The following RAD52 variants were observed in gnomAD, a reference collection of about 807,000 sequenced individuals.
The protein encoded by RAD52 is RAD52 DNA repair protein, also known as DNA repair protein RAD52 homolog.
RAD52 carries 47 observed loss-of-function variants against 55.5 expected under a neutral mutation model. The observed-to-expected ratio is 0.85, with a 90% CI of 0.67 to 1.08. The LOEUF is 1.08. RAD52 is among the 50% of genes least tolerant of loss of function. The pLI, the probability that RAD52 is intolerant of heterozygous loss-of-function variation, is 0.00. For synonymous variants in RAD52, 184 were observed against 198.9 expected, an observed-to-expected ratio of 0.92 and a Z score of 0.63; for missense variants, 468 against 522.8, an observed-to-expected ratio of 0.90 and a Z score of 1.02.
intron 1 of RAD52, among the ~76,000 whole-genome samples, chr12:940,521 C>T (rs186426578): frequency 5.3e-5 from 8 of 151,606 alleles, no homozygotes; most frequent in Non-Finnish European, 7.4e-5. Context: ...TGCTTGAACC[C>T]GGGAGGCAGA....
intron 1 of RAD52, among the ~76,000 whole-genome samples, chr12:963,417 CAG>C (rs1302380870): frequency 6.6e-6 from 1 of 152,048 alleles, no homozygotes; most frequent in Non-Finnish European, 1.5e-5. Flanking sequence ...TTCCAGGAGA[CAG>C]AGACATGATA....
At chr12:921,469 T>C (rs555057900) in intron 7 of RAD52, among the ~76,000 whole-genome samples, 1 of 152,068 alleles carries the variant, frequency 6.6e-6, no homozygotes, top group Admixed American at 6.6e-5. Context: ...AAAATTAGCC[T>C]GGCATGGTGG....
At position 925,352 on chromosome 12, in the gene RAD52, G is replaced by A. The variant is rs1019836920; in HGVS notation, c.543+98C>T. 92 of 997,478 alleles carry A rather than the reference G, an allele frequency of 9.2e-5. 2 individuals are homozygous for A. In the South Asian group the frequency reaches 1.2e-3, roughly 13 times the overall value. The allele number at this position is 997,478 out of a possible 1,614,324, so 61.8% of individuals were successfully genotyped here. On this transcript the variant is annotated intron_variant, in intron 7 of 11. Coordinates refer to ENST00000358495, the MANE Select transcript of RAD52 (RefSeq NM_134424.4). ...CATTCCCGACCCTCTAAAGAGCTGA[G>A]TCCTCACTTTTTCTCCTTGCATCCT...
chr12:987,119 C>T (rs979370803), intron 1 of RAD52, among the ~76,000 whole-genome samples: 3 of 151,800 alleles, frequency 2.0e-5, no homozygotes, highest in South Asian at 2.1e-4. Context: ...TACAGGTGCC[C>T]GCCATCATGC....
At chr12:934,064 C>T (rs1435997549) in intron 1 of RAD52, among the ~76,000 whole-genome samples, 1 of 148,014 alleles carries the variant, frequency 6.8e-6, no homozygotes, top group African/African-American at 2.5e-5. Context: ...ACCACCCCAT[C>T]GCACTCCAGC....
In RAD52 at chr12:943,680, CTT is replaced by C. The variant is rs549611398; in HGVS notation, c.-19+5920_-19+5921del. On this transcript the variant is annotated intron_variant, in intron 1 of 11. Transcript: ENST00000358495. Reference sequence around the variant, plus strand: ...TTCTTTATTTATCTTGAATATCAGTCTTTTGTCAAATAGGTCCCTGTGTTTCC... The same window carrying C: ...TTCTTTATTTATCTTGAATATCAGTCTTGTCAAATAGGTCCCTGTGTTTCC... Among the ~76,000 whole-genome samples the C allele has an allele frequency of 7.5e-4, 114 of 151,984 alleles. 1 individual carries two copies. Among genetic ancestry groups the C allele is most frequent in the Middle Eastern group, 6.8e-3 (2 of 294 alleles).
chr12:977,765 A>AACC (rs902054656), intron 1 of RAD52, among the ~76,000 whole-genome samples: 36 of 152,228 alleles, frequency 2.4e-4, no homozygotes, highest in Non-Finnish European at 4.0e-4. Context: ...GAACTAGTGT[A>AACC]ACCATATATT....
At chr12:939,982 G>A (rs1957837508) in intron 1 of RAD52, among the ~76,000 whole-genome samples, 1 of 152,114 alleles carries the variant, frequency 6.6e-6, no homozygotes, top group Non-Finnish European at 1.5e-5. Context: ...GGCTGAGGCA[G>A]GAGAATCACT....
chr12:923,099 C>G (rs1956825333), intron 7 of RAD52, among the ~76,000 whole-genome samples: 1 of 152,018 alleles, frequency 6.6e-6, no homozygotes, highest in Non-Finnish European at 1.5e-5. Flanking sequence ...CTCAAGTGAT[C>G]TAACCACCTC....
At chr12:945,617 T>A (rs1481902955) in intron 1 of RAD52, among the ~76,000 whole-genome samples, 1 of 151,218 alleles carries the variant, frequency 6.6e-6, no homozygotes, top group African/African-American at 2.4e-5. Context: ...GTACTTTTAG[T>A]AGAGGCAGGG....
chr12:989,136 T>C (rs2154122438), intron 1 of RAD52, among the ~76,000 whole-genome samples: 1 of 152,228 alleles, frequency 6.6e-6, no homozygotes, highest in Admixed American at 6.5e-5. Context: ...ATAGGGAGGG[T>C]TCTGCTCTTC....
Position 925,660 on chromosome 12 carries a change from A to G in RAD52, c.468-135T>C, listed in dbSNP as rs543078962. On this transcript the variant is annotated intron_variant, in intron 6 of 11. Coordinates refer to ENST00000358495, the MANE Select transcript of RAD52 (RefSeq NM_134424.4). The stretch of plus-strand genomic sequence containing the variant: ...AAGTGGACCCTAACATGCATTCCCC[A>G]TTGATGTCTGGTAAGCATCTAGCAT... 411 of 675,168 alleles carry G rather than the reference A, an allele frequency of 6.1e-4. 7 individuals carry two copies. Among genetic ancestry groups the G allele is most frequent in the Non-Finnish European group, 5.0e-4 (188 of 374,226 alleles). The allele number at this position is 675,168 out of a possible 1,614,324, so 41.8% of individuals were successfully genotyped here. A position where few individuals can be genotyped will look rare whatever the true frequency, so the allele number is the denominator to read the frequency against.
intron 1 of RAD52, among the ~76,000 whole-genome samples, chr12:972,105 C>T (rs922281936): frequency 5.3e-5 from 8 of 152,240 alleles, no homozygotes; most frequent in African/African-American, 1.7e-4. Flanking sequence ...AATCTTGAGG[C>T]AACGCTAACA....
Position 914,496 on chromosome 12 carries a change from G to A in RAD52, c.902C>T (p.Pro301Leu), listed in dbSNP as rs1197165292. 2.4e-5 allele frequency: 39 copies of A among 1,613,794 alleles called. No individual in the cohort carries two copies. Among genetic ancestry groups the A allele is most frequent in the Non-Finnish European group, 3.1e-5 (37 of 1,179,864 alleles). ...PPAPPVTHST[P>L]VTVSEPLLEK... ...CAGGAGTGGTTCTGAGACAGTTACA[G>A]GAGTGCTGTGCGTCACAGGAGGGGC... Residue 301 changes from proline to leucine, a missense_variant, in exon 10 of 12, where the codon CCT becomes CTT. Transcript: ENST00000358495.
intron 1 of RAD52, among the ~76,000 whole-genome samples, chr12:983,518 G>C (rs1473511903): frequency 6.7e-6 from 1 of 149,512 alleles, no homozygotes; most frequent in Non-Finnish European, 1.5e-5. Flanking sequence ...CCAGATTCAA[G>C]TGATGATTCT....
chr12:952,408 T>C (rs1483442326), upstream of RAD52, among the ~76,000 whole-genome samples: 1 of 152,172 alleles, frequency 6.6e-6, no homozygotes, highest in East Asian at 1.9e-4. Context: ...CTCTAAAAAC[T>C]ACATTTTAAA....
At chr12:959,891 G>A (rs1027882867) in intron 1 of RAD52, among the ~76,000 whole-genome samples, 2 of 152,116 alleles carry the variant, frequency 1.3e-5, no homozygotes, top group Non-Finnish European at 2.9e-5. Context: ...GAAACCCATG[G>A]CCCTGAAGCT....
chr12:927,049 A>G, intron 6 of RAD52, 96 bp downstream of exon 6: 1 of 1,517,930 alleles, frequency 6.6e-7, no homozygotes, highest in Non-Finnish European at 9.1e-7. Flanking sequence ...GGATTTTTGA[A>G]CCATGTGGAT....
chr12:917,065 T>C (rs1221732691), intron 7 of RAD52, among the ~76,000 whole-genome samples: 1 of 152,190 alleles, frequency 6.6e-6, no homozygotes, highest in African/African-American at 2.4e-5. Context: ...TAAAATCGCA[T>C]TTGAATCTTT....
Sources: allele counts gnomAD v4.1 joint callset (sites outside exome capture counted in the v4.1 genomes callset), GRCh38; gene constraint gnomAD v4.1.1; transcripts MANE v1.5; gene names NCBI Gene and HGNC (gene_info 2026-07-23, HGNC 2026-07-21).